Variants in LDB2 observed in about 807,000 individuals in gnomAD.
LDB2 encodes LIM domain-binding protein 2.
In LDB2, 12 loss-of-function variants were observed where a neutral mutation model predicts 44.3. The ratio of observed to expected loss-of-function variants is 0.27; its 90% CI spans 0.17 to 0.44. The LOEUF (loss-of-function observed/expected upper bound fraction) is 0.44, where lower values mean the gene tolerates loss of function less well. Among genes scored for constraint, LDB2 ranks in the 20% least tolerant of loss-of-function variants. The pLI, the probability that LDB2 is intolerant of heterozygous loss-of-function variation, is 1.00. For missense variants in LDB2, 344 were observed against 473.5 expected, an observed-to-expected ratio of 0.73 and a Z score of 2.54; for synonymous variants, 164 against 174.8, an observed-to-expected ratio of 0.94 and a Z score of 0.49.
intron 4 of LDB2, among the ~76,000 whole-genome samples, chr4:16,587,469 T>G (rs1210337663): frequency 2.6e-5 from 4 of 152,198 alleles, no homozygotes; most frequent in Non-Finnish European, 5.9e-5. Flanking sequence ...TTTGCTGCCT[T>G]TTAGTCTATT....
At chr4:16,851,351 C>T (rs1000056785) in intron 1 of LDB2, among the ~76,000 whole-genome samples, 4 of 151,926 alleles carry the variant, frequency 2.6e-5, no homozygotes, top group African/African-American at 9.7e-5. Context: ...AAAAAGGAAC[C>T]AAGGACAATA....
chr4:16,814,943 C>G (rs2109900415), intron 1 of LDB2, among the ~76,000 whole-genome samples: 1 of 152,252 alleles, frequency 6.6e-6, no homozygotes, highest in South Asian at 2.1e-4. Context: ...CATTCAAAAG[C>G]AAAAGTATCT....
At chr4:16,778,379 C>T (rs1413750040) in intron 1 of LDB2, among the ~76,000 whole-genome samples, 1 of 152,162 alleles carries the variant, frequency 6.6e-6, no homozygotes, top group Non-Finnish European at 1.5e-5. Context: ...AAACTTTCTG[C>T]ATAATTCCCA....
intron 5 of LDB2, among the ~76,000 whole-genome samples, chr4:16,550,233 G>A (rs1014553619): frequency 3.9e-5 from 6 of 152,144 alleles, no homozygotes; most frequent in Non-Finnish European, 5.9e-5. Context: ...TCTGTAGGAA[G>A]CCTTCTTAGG....
intron 1 of LDB2, among the ~76,000 whole-genome samples, chr4:16,887,750 C>T (rs1319473557): frequency 1.3e-5 from 2 of 151,986 alleles, no homozygotes; most frequent in East Asian, 1.9e-4. Context: ...CAAGATCTTA[C>T]TTTATAAAAG....
intron 2 of LDB2, among the ~76,000 whole-genome samples, chr4:16,635,482 T>A (rs140615505): frequency 9.9e-4 from 150 of 152,114 alleles, no homozygotes; most frequent in African/African-American, 3.5e-3. Context: ...GTTTAAAGAT[T>A]GACTTTGGGC....
intron 2 of LDB2, among the ~76,000 whole-genome samples, chr4:16,689,092 A>G (rs1396955976): frequency 2.0e-5 from 3 of 152,204 alleles, no homozygotes; most frequent in Admixed American, 2.0e-4. Context: ...TGGTGATGGA[A>G]GGGAAAGACA....
At chr4:16,526,589 A>G (rs918758429) in intron 5 of LDB2, among the ~76,000 whole-genome samples, 2 of 152,256 alleles carry the variant, frequency 1.3e-5, no homozygotes, top group Admixed American at 1.3e-4. Context: ...CCTGTTGGTG[A>G]ACCCTGACTA....
In LDB2 at chr4:16,858,096, T is replaced by C. The variant is rs146932580; in HGVS notation, c.132+40258A>G. On this transcript the variant is annotated intron_variant, in intron 1 of 7. Coordinates refer to ENST00000304523, the MANE Select transcript of LDB2 (RefSeq NM_001290.5). ...AAAATACAGCAAGTAATGCCTGCTA[T>C]ATTGCTAAATTCTTTGCCTGCGTTA... Among the ~76,000 whole-genome samples the C allele has an allele frequency of 2.8e-3, 429 of 152,318 alleles. 1 individual carries two copies. The highest frequency in any genetic ancestry group is 6.8e-3 in the Middle Eastern group (2 of 294).
chr4:16,760,287 C>G lies in LDB2; in HGVS notation c.133-1027G>C, dbSNP rs560868663. ...GTCCTGGCAGAGATACCACAAGCCT[C>G]TCTTCTTCCCATTAAGTTGCTCTGC... On this transcript the variant is annotated intron_variant, in intron 1 of 7. Transcript: ENST00000304523. Among the ~76,000 whole-genome samples the G allele has an allele frequency of 5.9e-5, 9 of 152,312 alleles. No individual in the cohort carries two copies. The South Asian group carries it at 6.2e-4, about 11-fold the overall frequency.
chr4:16,819,422 A>C (rs1373904200), intron 1 of LDB2, among the ~76,000 whole-genome samples: 3 of 150,402 alleles, frequency 2.0e-5, no homozygotes, highest in Non-Finnish European at 3.0e-5. Context: ...TTTTGGTCAA[A>C]GAAGAACCCT....
intron 5 of LDB2, among the ~76,000 whole-genome samples, chr4:16,536,951 A>C (rs1369151456): frequency 6.6e-6 from 1 of 152,068 alleles, no homozygotes; most frequent in Non-Finnish European, 1.5e-5. Context: ...TGCTGGGCCC[A>C]CTCCAGTGCT....
chr4:16,590,562 T>C (rs779915736), intron 3 of LDB2, among the ~76,000 whole-genome samples: 2 of 152,236 alleles, frequency 1.3e-5, no homozygotes, highest in Non-Finnish European at 1.5e-5. Flanking sequence ...AGGTAACATG[T>C]TCTTTAAGCA....
In LDB2 at chr4:16,616,482, A is replaced by G. The variant is rs1026519392; in HGVS notation, c.236-20607T>C. On this transcript the variant is annotated intron_variant, in intron 2 of 7. Transcript: ENST00000304523. ...AAGCAGAGGTGCTGAGAATAAAATCAACTTGATGTCCAGGTAGGCAGTGGG... is the reference window on the plus strand; with the variant it reads ...AAGCAGAGGTGCTGAGAATAAAATCGACTTGATGTCCAGGTAGGCAGTGGG... Among the ~76,000 whole-genome samples the G allele has an allele frequency of 2.0e-5, 3 of 152,128 alleles. No individual in the cohort carries two copies. In the East Asian group the frequency reaches 5.8e-4, roughly 30 times the overall value.
chr4:16,613,637 G>A (rs1040117900), intron 2 of LDB2, among the ~76,000 whole-genome samples: 1 of 152,044 alleles, frequency 6.6e-6, no homozygotes, highest in Admixed American at 6.5e-5. Context: ...GGCATGCAGA[G>A]AGCCAAATCA....
intron 2 of LDB2, among the ~76,000 whole-genome samples, chr4:16,681,800 T>C (rs907622096): frequency 6.6e-6 from 1 of 152,090 alleles, no homozygotes; most frequent in Admixed American, 6.5e-5. Context: ...CTGGATCTTC[T>C]GACCTCGTGA....
intron 5 of LDB2, among the ~76,000 whole-genome samples, chr4:16,554,157 T>C (rs575613123): frequency 1.2e-4 from 18 of 151,862 alleles, no homozygotes; most frequent in African/African-American, 4.1e-4. Flanking sequence ...TTCAAGCAAT[T>C]CTCTTGCCTC....
chr4:16,568,644 G>T (rs1227569474), intron 5 of LDB2, among the ~76,000 whole-genome samples: 1 of 151,996 alleles, frequency 6.6e-6, no homozygotes, highest in African/African-American at 2.4e-5. Flanking sequence ...GGACCCCCAC[G>T]AACACCCAAA....
intron 1 of LDB2, chr4:16,888,714 T>C: frequency 1.0e-6 from 1 of 984,594 alleles, no homozygotes; most frequent in African/African-American, 1.7e-5. Flanking sequence ...AAGTGTATCG[T>C]CGTCATCGTC....
Sources: allele counts gnomAD v4.1 joint callset (sites outside exome capture counted in the v4.1 genomes callset), GRCh38; gene constraint gnomAD v4.1.1; transcripts MANE v1.5; gene names NCBI Gene and HGNC (gene_info 2026-07-23, HGNC 2026-07-21).